ADAMTS10: variants seen among roughly 807,000 people sequenced by gnomAD.
ADAMTS10 encodes ADAM metallopeptidase with thrombospondin type 1 motif 10.
ADAMTS10 carries 48 observed loss-of-function variants against 135.9 expected under a neutral mutation model. The observed-to-expected ratio is 0.35, with a 90% CI of 0.28 to 0.45. The LOEUF is 0.45. ADAMTS10 is among the 20% of genes least tolerant of loss of function. ADAMTS10 has a pLI of 1.00. For synonymous variants in ADAMTS10, 621 were observed against 647.5 expected (o/e 0.96, Z 0.62); for missense variants, 1,131 against 1,565.2 (o/e 0.72, Z 4.68).
chr19:8,601,664 CT>C lies in ADAMTS10; in HGVS notation c.593-520del, dbSNP rs2042671414. Among the ~76,000 whole-genome samples, 2 of 152,108 alleles carry C rather than the reference CT, an allele frequency of 1.3e-5. No homozygotes were observed. The highest frequency in any genetic ancestry group is 4.8e-5 in the African/African-American group (2 of 41,416). On this transcript the variant is annotated intron_variant, in intron 5 of 25. Transcript: ENST00000597188. This position sits in a 1 kb window ranked among gnomAD's most constrained non-coding sequence, Gnocchi z 4.6. ...GGTTTGAGCCACTGCGCCTGGCTGC[CT>C]CATTGTTTTGTCTATAGGGCATCTT...
chr19:8,583,134 T>C (rs1039025260), intron 25 of ADAMTS10, among the ~76,000 whole-genome samples: 4 of 152,030 alleles, frequency 2.6e-5, no homozygotes, highest in Non-Finnish European at 5.9e-5. Context: ...CTCAAGTGAA[T>C]ATATCATTTA....
At chr19:8,598,885 A>C (rs1362205334) in intron 6 of ADAMTS10, among the ~76,000 whole-genome samples, 14 of 151,386 alleles carry the variant, frequency 9.2e-5, no homozygotes, top group Non-Finnish European at 1.3e-4. Flanking sequence ...GGAAACCCCC[A>C]GGAAATTCTG....
intron 1 of ADAMTS10, among the ~76,000 whole-genome samples, chr19:8,609,611 GC>G (rs2042759104): frequency 6.6e-6 from 1 of 152,248 alleles, no homozygotes; most frequent in Admixed American, 6.5e-5. Context: ...CAAAGGCCCA[GC>G]CGGGGCCTGC....
intron 12 of ADAMTS10, 60 bp downstream of exon 12, chr19:8,595,702 T>TACCC (rs2146078993): frequency 2.1e-4 from 186 of 894,142 alleles, no homozygotes; most frequent in Middle Eastern, 3.2e-4. Context: ...TGGAGTTCCC[T>TACCC]CCCCCAGCCC....
At chr19:8,595,116 A>G (rs1181343337) in intron 12 of ADAMTS10, among the ~76,000 whole-genome samples, 1 of 152,062 alleles carries the variant, frequency 6.6e-6, no homozygotes, top group Admixed American at 6.6e-5. Context: ...GCATTTAGGG[A>G]ATCGAGGCAG....
Position 8,586,461 on chromosome 19 carries a change from G to C in ADAMTS10, c.2413C>G (p.Arg805Gly), listed in dbSNP as rs782298163. 4 of 1,613,526 alleles carry C rather than the reference G, an allele frequency of 2.5e-6. No individual in the cohort carries two copies. Among genetic ancestry groups the C allele is most frequent in the South Asian group, 2.2e-5 (2 of 91,086 alleles). Residue 805 changes from arginine to glycine, a missense_variant, in exon 21 of 26, where the codon CGG becomes GGG. Physicochemically the swap from Arg to Gly is moderately radical, Grantham distance 125. This residue lies in a region of ADAMTS10 where 745 missense variants were observed against 1,056.3 expected (regional missense o/e 0.71). Coordinates refer to ENST00000597188, the MANE Select transcript of ADAMTS10 (RefSeq NM_030957.4). ...NASLIVMVLA[R>G]TELPALRYRF... The stretch of plus-strand genomic sequence containing the variant: ...TAGCGGAGGGCAGGCAGCTCGGTCC[G>C]GGCCAGCACCTGGAGAAAGGGGGCG...
At chr19:8,588,373 A>G (rs1359259587) in intron 18 of ADAMTS10, among the ~76,000 whole-genome samples, 2 of 151,900 alleles carry the variant, frequency 1.3e-5, no homozygotes, top group Admixed American at 6.6e-5. Flanking sequence ...GGTGTGAGCC[A>G]CCGTGCCTGT....
At chr19:8,602,043 C>T (rs1282039226) in intron 5 of ADAMTS10, among the ~76,000 whole-genome samples, 7 of 152,190 alleles carry the variant, frequency 4.6e-5, no homozygotes, top group Admixed American at 2.0e-4. Context: ...GCTTGGACAA[C>T]GTGTTGTCCT....
Position 8,601,190 on chromosome 19 carries a change from A to T in ADAMTS10, c.593-45T>A, listed in dbSNP as rs2146093975. Reference sequence around the variant, plus strand: ...AATTAAGCCCTGCCCTGCTGGTGGGACGCAGAGCTGCCTGACAACTGTCTT... The same window carrying T: ...AATTAAGCCCTGCCCTGCTGGTGGGTCGCAGAGCTGCCTGACAACTGTCTT... On this transcript the variant is annotated intron_variant, in intron 5 of 25. Coordinates refer to ENST00000597188, the MANE Select transcript of ADAMTS10 (RefSeq NM_030957.4). This position sits in a 1 kb window ranked among gnomAD's most constrained non-coding sequence, Gnocchi z 4.6. The T allele has an allele frequency of 6.3e-7, 1 of 1,594,264 alleles. No individual in the cohort carries two copies. Among genetic ancestry groups the T allele is most frequent in the East Asian group, 2.2e-5 (1 of 44,476 alleles).
intron 4 of ADAMTS10, 24 bp downstream of exon 4, chr19:8,604,988 C>A (rs7260282): frequency 6.4e-7 from 1 of 1,571,636 alleles, no homozygotes; most frequent in Non-Finnish European, 8.6e-7. Flanking sequence ...CATTTCCCCC[C>A]GCGTTCCAGA....
chr19:8,595,475 G>T, intron 12 of ADAMTS10: 1 of 463,468 alleles, frequency 2.2e-6, no homozygotes, highest in Admixed American at 3.3e-5. Context: ...GCCCACAGGG[G>T]GTGTGATGTG....
chr19:8,603,338 G>A (rs1201339799), intron 5 of ADAMTS10, among the ~76,000 whole-genome samples: 1 of 152,120 alleles, frequency 6.6e-6, no homozygotes, highest in Non-Finnish European at 1.5e-5. Flanking sequence ...GCAATGGCGT[G>A]ATCTCTGCTC....
Position 8,589,551 on chromosome 19 carries a change from C to T in ADAMTS10, c.1935G>A (p.Ala645=), listed in dbSNP as rs200551849. The T allele has an allele frequency of 5.8e-4, 934 of 1,613,464 alleles. 2 individuals are homozygous for T. Among genetic ancestry groups the T allele is most frequent in the Non-Finnish European group, 7.0e-4 (826 of 1,179,970 alleles). ...GVKACSLTCL[A]EGFNFYTERA... ...TCTCCGTGTAGAAGTTGAAGCCTTCCGCTAGGCACGTGAGCGAGCAGGCCT... is the reference window on the plus strand; with the variant it reads ...TCTCCGTGTAGAAGTTGAAGCCTTCTGCTAGGCACGTGAGCGAGCAGGCCT... Residue 645 remains alanine, a synonymous_variant, in exon 17 of 26, where the codon GCG becomes GCA. Transcript: ENST00000597188.
rs188153570 is a variant in ADAMTS10 at position 8,587,098 on chromosome 19, G to C, written c.2159-202C>G. Among the ~76,000 whole-genome samples, 84 of 152,206 alleles carry C rather than the reference G, an allele frequency of 5.5e-4. 3 individuals carry two copies. The highest frequency in any genetic ancestry group is 2.0e-3 in the African/African-American group (82 of 41,554). On this transcript the variant is annotated intron_variant, in intron 18 of 25. Transcript: ENST00000597188. ...CAAAACTGAGGCTCAGAGAAGCTAAGGAACTTGACCAGGTTTTACAGCTAG... is the reference window on the plus strand; with the variant it reads ...CAAAACTGAGGCTCAGAGAAGCTAACGAACTTGACCAGGTTTTACAGCTAG...
Position 8,585,059 on chromosome 19 carries a change from G to GAGAGGGC in ADAMTS10, c.3043-6_3043-5insGCCCTCT, listed in dbSNP as rs1555736503. 1 of 1,516,736 alleles carries GAGAGGGC rather than the reference G, an allele frequency of 6.6e-7. No individual in the cohort carries two copies. Among genetic ancestry groups the GAGAGGGC allele is most frequent in the South Asian group, 1.2e-5 (1 of 82,836 alleles). 94.0% of individuals were successfully genotyped at this position (1,516,736 alleles called of 1,614,324 possible). A position where few individuals can be genotyped will look rare whatever the true frequency, so the allele number is the denominator to read the frequency against. On this transcript the variant is annotated splice_polypyrimidine_tract_variant and splice_region_variant and intron_variant, in intron 24 of 25. Transcript: ENST00000597188. ...GACGCCGCACTGTGCAGAGCACTGC[G>GAGAGGGC]AGGGGGCACCACTCAGTTGCTGCCC...
intron 4 of ADAMTS10, among the ~76,000 whole-genome samples, chr19:8,604,480 A>AAT (rs1179544800): frequency 7.5e-5 from 11 of 147,442 alleles, no homozygotes; most frequent in East Asian, 1.9e-4. Flanking sequence ...AAATATAAAA[A>AAT]ATATATATAT....
At position 8,601,199 on chromosome 19, in the gene ADAMTS10, T is replaced by G; in HGVS notation, c.593-54A>C. The stretch of plus-strand genomic sequence containing the variant: ...CTGCCCTGCTGGTGGGACGCAGAGC[T>G]GCCTGACAACTGTCTTGTCCAACCT... On this transcript the variant is annotated intron_variant, in intron 5 of 25. Transcript: ENST00000597188. The surrounding 1 kb of genome is among the most constrained non-coding windows in gnomAD (Gnocchi z 4.6). 1 of 1,579,840 alleles carries G rather than the reference T, an allele frequency of 6.3e-7. No individual in the cohort carries two copies. Among genetic ancestry groups the G allele is most frequent in the Non-Finnish European group, 8.6e-7 (1 of 1,161,148 alleles).
chr19:8,589,711 G>A (rs1482060574), intron 16 of ADAMTS10, 126 bp from the exon 17 acceptor site: 11 of 1,502,002 alleles, frequency 7.3e-6, no homozygotes, highest in African/African-American at 1.4e-5. Flanking sequence ...TGGGCAGAGG[G>A]AGTGGGGGCT....
intron 15 of ADAMTS10, among the ~76,000 whole-genome samples, chr19:8,590,742 G>A (rs2042513368): frequency 6.6e-6 from 1 of 152,148 alleles, no homozygotes; most frequent in South Asian, 2.1e-4. Flanking sequence ...TTGCAGGCAT[G>A]AGCCACCTCA....
Sources: allele counts gnomAD v4.1 joint callset (sites outside exome capture counted in the v4.1 genomes callset), GRCh38; gene constraint gnomAD v4.1.1; regional missense constraint gnomAD v4.1.1; non-coding constraint Gnocchi (gnomAD v3.1); transcripts MANE v1.5; gene names NCBI Gene and HGNC (gene_info 2026-07-23, HGNC 2026-07-21).